The following MARCHF1 variants were observed in gnomAD, a reference collection of about 807,000 sequenced individuals.
MARCHF1 encodes the protein membrane associated ring-CH-type finger 1, also known as E3 ubiquitin-protein ligase MARCHF1.
Under a neutral mutation model 54.2 loss-of-function variants are expected in MARCHF1, and 40 were observed. The ratio of observed to expected loss-of-function variants is 0.74; its 90% CI spans 0.57 to 0.96. MARCHF1 has a LOEUF of 0.96. Among genes scored for constraint, MARCHF1 ranks in the 40% least tolerant of loss-of-function variants. The pLI is 0.00. For missense variants in MARCHF1, 586 were observed against 656.5 expected, an observed-to-expected ratio of 0.89 and a Z score of 1.17; for synonymous variants, 236 against 236.3, an observed-to-expected ratio of 1.00 and a Z score of 0.01.
At chr4:163,529,304 G>C (rs928255482) in intron 9 of MARCHF1, among the ~76,000 whole-genome samples, 1 of 151,868 alleles carries the variant, frequency 6.6e-6, no homozygotes, top group East Asian at 1.9e-4. Context: ...ATTTCTCCTA[G>C]CATCAAGTAC....
intron 1 of MARCHF1, chr4:164,188,734 A>G (rs879147005): frequency 2.6e-5 from 27 of 1,024,908 alleles, no homozygotes; most frequent in East Asian, 4.7e-5. Flanking sequence ...GGTTCAAGGT[A>G]GTTGAAAAGA....
At position 163,548,875 on chromosome 4, in the gene MARCHF1, A is replaced by C. The variant is rs1031580860; in HGVS notation, c.1192-3132T>G. Among the ~76,000 whole-genome samples, 25 of 152,252 alleles carry C rather than the reference A, an allele frequency of 1.6e-4. 1 individual carries two copies. The highest frequency in any genetic ancestry group is 5.5e-4 in the African/African-American group (23 of 41,468). On this transcript the variant is annotated intron_variant, in intron 8 of 9. Coordinates refer to ENST00000514618, the MANE Select transcript of MARCHF1 (RefSeq NM_001394959.1). Reference sequence around the variant, plus strand: ...ATCTTATTTTAACAAAGCTGTCATGAAAGTGCCTTCAATTAATATTCATGA... The same window carrying C: ...ATCTTATTTTAACAAAGCTGTCATGCAAGTGCCTTCAATTAATATTCATGA...
chr4:163,930,009 T>C (rs1249442513), intron 3 of MARCHF1, among the ~76,000 whole-genome samples: 1 of 134,900 alleles, frequency 7.4e-6, no homozygotes, highest in African/African-American at 2.8e-5. Flanking sequence ...TATATATAAA[T>C]ATATTATATA....
At chr4:164,148,533 T>C (rs1199691833) in intron 1 of MARCHF1, among the ~76,000 whole-genome samples, 1 of 152,156 alleles carries the variant, frequency 6.6e-6, no homozygotes, top group African/African-American at 2.4e-5. Flanking sequence ...TTTCAGTCTG[T>C]AAAAATCTTT....
intron 1 of MARCHF1, among the ~76,000 whole-genome samples, chr4:164,251,849 T>C (rs145354437): frequency 5.3e-5 from 8 of 152,134 alleles, no homozygotes; most frequent in Non-Finnish European, 8.8e-5. Flanking sequence ...AATTCAAATT[T>C]AAGAAAGATT....
intron 2 of MARCHF1, among the ~76,000 whole-genome samples, chr4:164,105,726 C>T (rs1369504233): frequency 1.1e-5 from 1 of 91,470 alleles, no homozygotes; most frequent in Non-Finnish European, 2.3e-5. Context: ...ATGTCTAAAA[C>T]ACCAAAAGCA....
At chr4:163,831,098 TTTC>T (rs1411022694) in intron 4 of MARCHF1, among the ~76,000 whole-genome samples, 12 of 152,292 alleles carry the variant, frequency 7.9e-5, no homozygotes, top group Non-Finnish European at 1.5e-4. Flanking sequence ...CAGCCAAAAA[TTTC>T]TTCTGTCTTT....
chr4:163,571,746 T>G (rs1025354555), intron 8 of MARCHF1, among the ~76,000 whole-genome samples: 2 of 152,116 alleles, frequency 1.3e-5, no homozygotes, highest in Non-Finnish European at 2.9e-5. Context: ...AAATCTACAC[T>G]GGGGTTTTTT....
chr4:163,602,322 T>C (rs114970734), intron 7 of MARCHF1, among the ~76,000 whole-genome samples: 2,795 of 152,228 alleles, frequency 0.018, 78 homozygotes, highest in African/African-American at 0.062. Flanking sequence ...AAATTATTCA[T>C]ATCAAGGAAA....
chr4:163,906,274 C>A (rs994413762), intron 3 of MARCHF1, among the ~76,000 whole-genome samples: 37 of 151,884 alleles, frequency 2.4e-4, no homozygotes, highest in African/African-American at 8.2e-4. Flanking sequence ...TTCCCCAGTG[C>A]CTGAATATGT....
intron 4 of MARCHF1, among the ~76,000 whole-genome samples, chr4:163,805,746 A>G (rs1205870524): frequency 6.6e-6 from 1 of 152,154 alleles, no homozygotes; most frequent in Non-Finnish European, 1.5e-5. Context: ...ATGCCACAAC[A>G]TTAGTTGCTC....
intron 2 of MARCHF1, among the ~76,000 whole-genome samples, chr4:164,036,620 T>C (rs1198067273): frequency 6.6e-6 from 1 of 152,230 alleles, no homozygotes; most frequent in East Asian, 1.9e-4. Flanking sequence ...TATTTATTTT[T>C]ATTTAATCAT....
intron 5 of MARCHF1, among the ~76,000 whole-genome samples, chr4:163,676,785 C>T (rs1743934571): frequency 6.6e-6 from 1 of 151,662 alleles, no homozygotes; most frequent in Admixed American, 6.6e-5. Context: ...AAGAACTCAA[C>T]TAGGTCTATT....
At chr4:163,854,865 A>T (rs1033326499) in intron 3 of MARCHF1, among the ~76,000 whole-genome samples, 8 of 152,180 alleles carry the variant, frequency 5.3e-5, no homozygotes, top group Non-Finnish European at 2.9e-5. Flanking sequence ...TCATATCAAC[A>T]ATGACTTTTA....
intron 3 of MARCHF1, among the ~76,000 whole-genome samples, chr4:163,857,204 C>T (rs1054505620): frequency 2.0e-5 from 3 of 150,668 alleles, no homozygotes; most frequent in African/African-American, 7.3e-5. Context: ...TCTGTTATCA[C>T]AAAACACTTA....
intron 2 of MARCHF1, among the ~76,000 whole-genome samples, chr4:164,056,468 C>A (rs190896091): frequency 6.6e-6 from 1 of 152,156 alleles, no homozygotes; most frequent in Non-Finnish European, 1.5e-5. Context: ...TTACTTCCTG[C>A]GCCAATCCTC....
intron 1 of MARCHF1, among the ~76,000 whole-genome samples, chr4:164,339,609 T>A (rs1174678925): frequency 1.3e-5 from 2 of 152,032 alleles, no homozygotes; most frequent in Non-Finnish European, 1.5e-5. Context: ...AATGCCTACA[T>A]GAATAAAAAA....
At chr4:164,187,954 T>C (rs540753536) in intron 1 of MARCHF1, among the ~76,000 whole-genome samples, 4 of 152,172 alleles carry the variant, frequency 2.6e-5, no homozygotes, top group Non-Finnish European at 5.9e-5. Flanking sequence ...ATGGCAATTA[T>C]TTCTAACACT....
intron 4 of MARCHF1, among the ~76,000 whole-genome samples, chr4:163,718,842 C>T (rs1745346215): frequency 6.6e-6 from 1 of 152,154 alleles, no homozygotes; most frequent in Non-Finnish European, 1.5e-5. Context: ...CCTCATGACT[C>T]TTCTCTGATA....
Sources: allele counts gnomAD v4.1 joint callset (sites outside exome capture counted in the v4.1 genomes callset), GRCh38; gene constraint gnomAD v4.1.1; transcripts MANE v1.5; gene names NCBI Gene and HGNC (gene_info 2026-07-23, HGNC 2026-07-21).